Variants in CDH18 observed in about 807,000 individuals in gnomAD.
CDH18 encodes cadherin 18, also known as cadherin-18.
Under a neutral mutation model 67.9 loss-of-function variants are expected in CDH18, and 31 were observed. That is an observed-to-expected ratio of 0.46 (90% CI 0.34 to 0.62). CDH18 has a LOEUF of 0.62. Among genes scored for constraint, CDH18 ranks in the 20% least tolerant of loss-of-function variants. The pLI is 0.01. For missense variants in CDH18, 890 were observed against 975.5 expected (o/e 0.91, Z 1.17); for synonymous variants, 362 against 347.2 (o/e 1.04, Z -0.48).
At chr5:20,475,489 T>C (rs943874601) in intron 1 of CDH18, among the ~76,000 whole-genome samples, 6 of 152,188 alleles carry the variant, frequency 3.9e-5, no homozygotes, top group Admixed American at 2.0e-4. Context: ...TCATGAATAT[T>C]CATACGTTGG....
chr5:19,924,016 C>T (rs963636014), intron 2 of CDH18, among the ~76,000 whole-genome samples: 1 of 152,060 alleles, frequency 6.6e-6, no homozygotes, highest in Non-Finnish European at 1.5e-5. Flanking sequence ...ACTATGAGAC[C>T]GGTACTTTCT....
At chr5:19,954,520 A>G (rs1489032340) in intron 2 of CDH18, among the ~76,000 whole-genome samples, 1 of 152,080 alleles carries the variant, frequency 6.6e-6, no homozygotes. Context: ...GAAATTACAG[A>G]TAAAACCTTA....
intron 5 of CDH18, among the ~76,000 whole-genome samples, chr5:19,615,544 C>T (rs1749687161): frequency 6.6e-6 from 1 of 152,142 alleles, no homozygotes. Flanking sequence ...CCTACATTGA[C>T]ACATCATTAC....
chr5:19,973,717 G>C (rs970594276), intron 2 of CDH18, among the ~76,000 whole-genome samples: 2 of 152,068 alleles, frequency 1.3e-5, no homozygotes, highest in African/African-American at 4.8e-5. Flanking sequence ...CAGACTAAAG[G>C]AACAAGCCAG....
At chr5:20,156,357 A>T (rs1190874230) in intron 2 of CDH18, among the ~76,000 whole-genome samples, 1 of 152,202 alleles carries the variant, frequency 6.6e-6, no homozygotes, top group Non-Finnish European at 1.5e-5. Context: ...GAATGGATTT[A>T]AAAACTTTGA....
At chr5:20,213,980 T>A (rs562577503) in intron 2 of CDH18, among the ~76,000 whole-genome samples, 3 of 152,100 alleles carry the variant, frequency 2.0e-5, no homozygotes, top group African/African-American at 7.2e-5. Flanking sequence ...CCTCACAGAA[T>A]TCAGCAAAGT....
At chr5:20,524,515 T>G (rs919316460) in intron 1 of CDH18, among the ~76,000 whole-genome samples, 2 of 152,212 alleles carry the variant, frequency 1.3e-5, no homozygotes, top group Non-Finnish European at 2.9e-5. Context: ...ACATTATCAT[T>G]ATTTAATATA....
chr5:20,089,294 A>C (rs1158997179), intron 2 of CDH18, among the ~76,000 whole-genome samples: 1 of 152,084 alleles, frequency 6.6e-6, no homozygotes, highest in Non-Finnish European at 1.5e-5. Flanking sequence ...TAAAATAAAA[A>C]TCTGAATGGT....
At chr5:20,377,086 G>A (rs1416587785) in intron 1 of CDH18, among the ~76,000 whole-genome samples, 1 of 152,034 alleles carries the variant, frequency 6.6e-6, no homozygotes, top group African/African-American at 2.4e-5. Context: ...TTCTGAAGCG[G>A]TCACTTCCCT....
chr5:20,272,719 T>A (rs1179484740), intron 1 of CDH18, among the ~76,000 whole-genome samples: 1 of 152,032 alleles, frequency 6.6e-6, no homozygotes, highest in Non-Finnish European at 1.5e-5. Flanking sequence ...CCATTCATTT[T>A]TTTCCCTCTA....
intron 1 of CDH18, among the ~76,000 whole-genome samples, chr5:20,435,013 T>C (rs1475187347): frequency 6.6e-6 from 1 of 152,030 alleles, no homozygotes; most frequent in East Asian, 1.9e-4. Flanking sequence ...AGCAAGCTAT[T>C]TTAAGAAAGT....
intron 2 of CDH18, among the ~76,000 whole-genome samples, chr5:20,248,393 C>T (rs193276798): frequency 3.0e-3 from 455 of 152,290 alleles, no homozygotes; most frequent in Admixed American, 6.1e-3. Context: ...CAGAGGATAA[C>T]AAGTCTTTAT....
intron 1 of CDH18, among the ~76,000 whole-genome samples, chr5:20,378,213 G>A (rs748270908): frequency 6.6e-6 from 1 of 152,032 alleles, no homozygotes. Flanking sequence ...TCCCGCTGTC[G>A]TCCAAGCTGG....
At chr5:20,202,149 G>A (rs951576279) in intron 2 of CDH18, among the ~76,000 whole-genome samples, 1 of 152,158 alleles carries the variant, frequency 6.6e-6, no homozygotes, top group African/African-American at 2.4e-5. Context: ...CAAACAGTTT[G>A]CTGTACTTTC....
chr5:20,347,410 C>A (rs959543805), intron 1 of CDH18, among the ~76,000 whole-genome samples: 1 of 152,110 alleles, frequency 6.6e-6, no homozygotes, highest in Non-Finnish European at 1.5e-5. Flanking sequence ...CAATTAGGGT[C>A]ACTACTCCAG....
intron 2 of CDH18, among the ~76,000 whole-genome samples, chr5:20,040,605 C>T (rs964671152): frequency 1.3e-5 from 2 of 152,136 alleles, no homozygotes; most frequent in African/African-American, 4.8e-5. Flanking sequence ...GGGAGCGATT[C>T]TCTTTCTAGC....
At chr5:20,393,808 C>T (rs1745061599) in intron 1 of CDH18, among the ~76,000 whole-genome samples, 1 of 151,790 alleles carries the variant, frequency 6.6e-6, no homozygotes, top group Non-Finnish European at 1.5e-5. Flanking sequence ...CAATACAAAA[C>T]AATACAATAC....
intron 11 of CDH18, among the ~76,000 whole-genome samples, chr5:19,501,489 G>A (rs140753232): frequency 0.011 from 1,606 of 141,928 alleles, 18 homozygotes; most frequent in South Asian, 0.032. Flanking sequence ...GGCATGGTAC[G>A]AGAGCAAACC....
intron 2 of CDH18, among the ~76,000 whole-genome samples, chr5:19,998,690 G>A (rs1736209190): frequency 6.6e-6 from 1 of 152,050 alleles, no homozygotes; most frequent in African/African-American, 2.4e-5. Context: ...TGTGAGTTAA[G>A]GGGGAGAATC....
Sources: allele counts gnomAD v4.1 joint callset (sites outside exome capture counted in the v4.1 genomes callset), GRCh38; gene constraint gnomAD v4.1.1; transcripts MANE v1.5; gene names NCBI Gene and HGNC (gene_info 2026-07-23, HGNC 2026-07-21).